The following DAPK2 variants were observed in gnomAD, a reference collection of about 807,000 sequenced individuals.
DAPK2 encodes death-associated protein kinase 2.
Under a neutral mutation model 44.1 loss-of-function variants are expected in DAPK2, and 35 were observed. That is an observed-to-expected ratio of 0.79 (90% confidence interval 0.61 to 1.05). The LOEUF (loss-of-function observed/expected upper bound fraction) is 1.05, where lower values mean the gene tolerates loss of function less well. DAPK2 is among the 50% of genes least tolerant of loss of function. The pLI is 0.00. For missense variants in DAPK2, 453 were observed against 483.2 expected, an observed-to-expected ratio of 0.94 and a Z score of 0.59; for synonymous variants, 174 against 182.6, an observed-to-expected ratio of 0.95 and a Z score of 0.38.
chr15:63,970,019 C>G lies in DAPK2; in HGVS notation c.453+1404G>C, dbSNP rs151176011. Among the ~76,000 whole-genome samples, 633 of 152,324 alleles carry G rather than the reference C, an allele frequency of 4.2e-3. 4 individuals carry two copies. Among genetic ancestry groups the G allele is most frequent in the African/African-American group, 0.015 (604 of 41,562 alleles). On this transcript the variant is annotated intron_variant, in intron 3 of 10. Transcript: ENST00000261891. ...ACCTAATCAATCCTCAGATTGACCT[C>G]TGCAAAAGATCTTGACTCTGTCCTC...
intron 4 of DAPK2, among the ~76,000 whole-genome samples, chr15:63,933,156 T>G (rs1376584228): frequency 1.3e-5 from 2 of 152,236 alleles, no homozygotes; most frequent in Non-Finnish European, 2.9e-5. Context: ...GGCACAGAAA[T>G]TTGGACTATG....
At chr15:63,985,029 A>T (rs2078630955) in intron 1 of DAPK2, among the ~76,000 whole-genome samples, 2 of 152,044 alleles carry the variant, frequency 1.3e-5, no homozygotes, top group Non-Finnish European at 2.9e-5. Flanking sequence ...CCAAACACAA[A>T]CTCATGCATC....
At chr15:64,004,653 G>T (rs1325340761) in intron 1 of DAPK2, among the ~76,000 whole-genome samples, 1 of 152,166 alleles carries the variant, frequency 6.6e-6, no homozygotes, top group Admixed American at 6.5e-5. Flanking sequence ...CTGGTTTGGT[G>T]GGGTCTTTCC....
At chr15:64,012,716 T>C (rs1401657123) in intron 1 of DAPK2, among the ~76,000 whole-genome samples, 2 of 152,262 alleles carry the variant, frequency 1.3e-5, no homozygotes, top group Non-Finnish European at 2.9e-5. Context: ...TATGTTCATA[T>C]ATGCATTGAC....
chr15:63,936,288 G>C (rs915852607), intron 4 of DAPK2, among the ~76,000 whole-genome samples: 2 of 152,166 alleles, frequency 1.3e-5, no homozygotes, highest in African/African-American at 4.8e-5. Context: ...GACAGGTGGT[G>C]CTGAAGGAGT....
At chr15:63,998,978 T>C (rs1217397778) in intron 1 of DAPK2, among the ~76,000 whole-genome samples, 1 of 152,170 alleles carries the variant, frequency 6.6e-6, no homozygotes, top group Non-Finnish European at 1.5e-5. Context: ...GGAAATATTC[T>C]ATATATTGAC....
At chr15:64,022,272 C>G (rs1372062957) in intron 1 of DAPK2, among the ~76,000 whole-genome samples, 1 of 152,110 alleles carries the variant, frequency 6.6e-6, no homozygotes, top group African/African-American at 2.4e-5. Context: ...TAAAAGAGCA[C>G]CTGCAATTAT....
At chr15:64,028,044 A>ATCTATCTATCTG (rs2079902478) in intron 1 of DAPK2, among the ~76,000 whole-genome samples, 2 of 104,672 alleles carry the variant, frequency 1.9e-5, no homozygotes, top group African/African-American at 3.1e-5. Context: ...CTATCTATCT[A>ATCTATCTATCTG]TCTATCTATC....
intron 6 of DAPK2, among the ~76,000 whole-genome samples, chr15:63,927,538 C>T (rs1197677394): frequency 1.3e-5 from 2 of 152,178 alleles, no homozygotes; most frequent in African/African-American, 4.8e-5. Context: ...TTCATTCCTC[C>T]AGCCTAACCT....
rs1181701786 is a variant in DAPK2 at position 63,923,504 on chromosome 15, T to A, written c.858+1312A>T. 6.6e-6 allele frequency among the ~76,000 whole-genome samples: 1 copy of A among 152,164 alleles called. No individual in the cohort carries two copies. The highest frequency in any genetic ancestry group is 1.5e-5 in the Non-Finnish European group (1 of 68,026). ...GTGGGATGAGCACCTCCTTAGGCCA[T>A]AAGTGAGGTCAAGGAGTGTGGGGGT... On this transcript the variant is annotated intron_variant, in intron 8 of 10. Coordinates refer to ENST00000261891, the Ensembl canonical transcript of DAPK2. This position sits in a 1 kb window ranked among gnomAD's most constrained non-coding sequence, Gnocchi z 4.2.
At chr15:63,930,545 A>T in intron 4 of DAPK2, 90 bp from the exon 6 acceptor site, 1 of 1,189,166 alleles carries the variant, frequency 8.4e-7, no homozygotes, top group Non-Finnish European at 1.3e-6. Context: ...GGTGCCAAAT[A>T]TCTCCATCCT....
chr15:63,974,320 T>C (rs1046877788), intron 2 of DAPK2, among the ~76,000 whole-genome samples: 1 of 152,212 alleles, frequency 6.6e-6, no homozygotes, highest in Non-Finnish European at 1.5e-5. Context: ...CAGAAGGTCC[T>C]CAGAACATGT....
intron 3 of DAPK2, among the ~76,000 whole-genome samples, chr15:63,964,601 G>A (rs1453734302): frequency 6.6e-6 from 1 of 151,678 alleles, no homozygotes; most frequent in Admixed American, 6.6e-5. Context: ...CCTTTTTGAG[G>A]CTATTTTCTA....
At chr15:63,935,251 T>C (rs1808597188) in intron 4 of DAPK2, among the ~76,000 whole-genome samples, 1 of 151,828 alleles carries the variant, frequency 6.6e-6, no homozygotes. Context: ...CCACCATGCC[T>C]GGCTAATTTT....
chr15:63,908,115 C>T lies in DAPK2; in HGVS notation c.*405G>A, dbSNP rs1301081833. 1 of 155,050 alleles carries T rather than the reference C, an allele frequency of 6.4e-6. No individual in the cohort carries two copies. Among genetic ancestry groups the T allele is most frequent in the African/African-American group, 2.4e-5 (1 of 41,512 alleles). The allele number at this position is 155,050 out of a possible 1,614,324, so 9.6% of individuals were successfully genotyped here. A position where few individuals can be genotyped will look rare whatever the true frequency, so the allele number is the denominator to read the frequency against. On this transcript the variant is annotated 3_prime_UTR_variant, in exon 11 of 11. Transcript: ENST00000261891. The surrounding 1 kb of genome is among the most constrained non-coding windows in gnomAD (Gnocchi z 5.7). ...CACCCTGTTCCCAATGGGGAGGACT[C>T]TGTCTCTCTGGTGTAATTTTTGGCC...
At chr15:64,017,248 G>A (rs970104338) in intron 1 of DAPK2, among the ~76,000 whole-genome samples, 1 of 152,180 alleles carries the variant, frequency 6.6e-6, no homozygotes, top group African/African-American at 2.4e-5. Flanking sequence ...ATGATGTTGA[G>A]TGAGTCACCT....
At chr15:64,026,663 G>T (rs1034974503) in intron 1 of DAPK2, among the ~76,000 whole-genome samples, 11 of 152,162 alleles carry the variant, frequency 7.2e-5, no homozygotes, top group Non-Finnish European at 1.5e-4. Flanking sequence ...CAAATGGTAC[G>T]CTCTCAGAAA....
chr15:63,986,065 C>T (rs2078660098), intron 1 of DAPK2, among the ~76,000 whole-genome samples: 1 of 152,210 alleles, frequency 6.6e-6, no homozygotes, highest in Non-Finnish European at 1.5e-5. Flanking sequence ...CAGGCACAGC[C>T]CTCTGCTCAA....
chr15:64,014,696 G>C lies in DAPK2; in HGVS notation c.92+25474C>G, dbSNP rs563458708. Among the ~76,000 whole-genome samples the C allele has an allele frequency of 5.9e-5, 9 of 152,332 alleles. No individual in the cohort carries two copies. The East Asian group carries it at 1.3e-3, about 23-fold the overall frequency. Reference sequence around the variant, plus strand: ...ACACTTTGAGAGGCCAAGGCAGGTGGATCACCTGAGGTCAGGAGTTCGAGA... The same window carrying C: ...ACACTTTGAGAGGCCAAGGCAGGTGCATCACCTGAGGTCAGGAGTTCGAGA... On this transcript the variant is annotated intron_variant, in intron 1 of 10. Coordinates refer to ENST00000261891, the Ensembl canonical transcript of DAPK2.
Sources: allele counts gnomAD v4.1 joint callset (sites outside exome capture counted in the v4.1 genomes callset), GRCh38; gene constraint gnomAD v4.1.1; non-coding constraint Gnocchi (gnomAD v3.1); transcripts MANE v1.5; gene names NCBI Gene and HGNC (gene_info 2026-07-23, HGNC 2026-07-21).